Variants in VASH2 observed in about 807,000 individuals in gnomAD.
VASH2 encodes the protein vasohibin 2.
VASH2 carries 28 observed loss-of-function variants against 37.2 expected under a neutral mutation model. The observed-to-expected ratio is 0.75, with a 90% CI of 0.56 to 1.03. The LOEUF is 1.03. VASH2 is among the 50% of genes least tolerant of loss of function. The pLI, the probability that VASH2 is intolerant of heterozygous loss-of-function variation, is 0.00. For synonymous variants in VASH2, 188 were observed against 174.7 expected, an observed-to-expected ratio of 1.08 and a Z score of -0.60; for missense variants, 419 against 459.1, an observed-to-expected ratio of 0.91 and a Z score of 0.80.
chr1:212,985,431 T>G (rs960884842), intron 7 of VASH2, among the ~76,000 whole-genome samples: 36 of 149,708 alleles, frequency 2.4e-4, no homozygotes, highest in African/African-American at 8.8e-4. Flanking sequence ...TTTTTTTTTT[T>G]TTTTCTGAGA....
rs529389758 is a variant in VASH2 at position 212,958,357 on chromosome 1, C to T, written c.277-2809C>T. ...TGTATACGTTTGTCCTCCCGTTGGG[C>T]AGGAAGTGTGGCCACAGCTCCTGCA... On this transcript the variant is annotated intron_variant, in intron 2 of 7. Transcript: ENST00000517399. Among the ~76,000 whole-genome samples the T allele has an allele frequency of 8.5e-5, 13 of 152,342 alleles. 1 individual carries two copies. Among genetic ancestry groups the T allele is most frequent in the Admixed American group, 2.6e-4 (4 of 15,306 alleles).
chr1:212,970,785 G>T (rs1305150742), intron 5 of VASH2, among the ~76,000 whole-genome samples: 1 of 151,936 alleles, frequency 6.6e-6, no homozygotes, highest in African/African-American at 2.4e-5. Flanking sequence ...AGCTACTCAG[G>T]AGGCTGAGGC....
At position 212,972,773 on chromosome 1, in the gene VASH2, G is replaced by A; in HGVS notation, c.691G>A (p.Asp231Asn). Residue 231 changes from aspartate to asparagine, a missense_variant, in exon 6 of 8, where the codon GAC (aspartate) becomes AAC (asparagine). By Grantham distance (23) the Asp-to-Asn change is conservative (BLOSUM62 1). This residue lies in a region of VASH2 where 177 missense variants were observed against 166.2 expected (regional missense o/e 1.06). Coordinates refer to ENST00000517399, the MANE Select transcript of VASH2 (RefSeq NM_001301056.2). ...TFRTLSDLIF[D>N]FEDSYKKYLH... is the part of the protein sequence containing the mutation. ...TCGGACTCTGAGTGACCTCATCTTT[G>A]ACTTTGAGGACTCTTACAAGAAATA... 6.2e-7 allele frequency: 1 copy of A among 1,614,162 alleles called. No homozygotes were observed. Among genetic ancestry groups the A allele is most frequent in the South Asian group, 1.1e-5 (1 of 91,066 alleles).
At position 212,961,068 on chromosome 1, in the gene VASH2, C is replaced by T. The variant is rs563345346; in HGVS notation, c.277-98C>T. The T allele has an allele frequency of 5.1e-6, 6 of 1,185,560 alleles. No homozygotes were observed. The East Asian group carries it at 1.2e-4, about 23-fold the overall frequency. 73.4% of individuals were successfully genotyped at this position (1,185,560 alleles called of 1,614,324 possible). ...ATGCTGCCATCGGCTCTCAGGAGCACCTCTCTCTCTGGTGGCTTTAGCCCT... is the reference window on the plus strand; with the variant it reads ...ATGCTGCCATCGGCTCTCAGGAGCATCTCTCTCTCTGGTGGCTTTAGCCCT... On this transcript the variant is annotated intron_variant, in intron 2 of 7. Coordinates refer to ENST00000517399, the MANE Select transcript of VASH2 (RefSeq NM_001301056.2).
chr1:212,956,549 G>C (rs1666502715), intron 2 of VASH2, among the ~76,000 whole-genome samples: 1 of 152,182 alleles, frequency 6.6e-6, no homozygotes, highest in Non-Finnish European at 1.5e-5. Flanking sequence ...ATGAAATCTG[G>C]CAGGAAAATA....
At chr1:212,963,788 A>C (rs1202650562) in intron 3 of VASH2, among the ~76,000 whole-genome samples, 1 of 151,626 alleles carries the variant, frequency 6.6e-6, no homozygotes, top group African/African-American at 2.4e-5. Context: ...ATTTTACTCT[A>C]CGTTTGTCTC....
chr1:212,976,320 C>G (rs1346787110), intron 7 of VASH2, among the ~76,000 whole-genome samples: 2 of 152,188 alleles, frequency 1.3e-5, no homozygotes, highest in African/African-American at 4.8e-5. Flanking sequence ...GTGGTTCACA[C>G]CTGTAATCCC....
At chr1:212,984,484 C>T (rs548583053) in intron 7 of VASH2, among the ~76,000 whole-genome samples, 42 of 152,244 alleles carry the variant, frequency 2.8e-4, no homozygotes, top group Admixed American at 2.4e-3. Flanking sequence ...GAGAGACTGT[C>T]GGGCACAGGA....
chr1:212,974,037 G>GC lies in VASH2; in HGVS notation c.968dup (p.Arg324GlufsTer14). On this transcript the variant is annotated frameshift_variant, in exon 7 of 8. Coordinates refer to ENST00000517399, the MANE Select transcript of VASH2 (RefSeq NM_001301056.2). LOFTEE classifies it high-confidence loss of function. Reference sequence around the variant, plus strand: ...CTGTCCCCCAGAAGGAGACAGGCAAGCCCCCCGAGGAGGCTCGGCCGGCGA... The same window carrying GC: ...CTGTCCCCCAGAAGGAGACAGGCAAGCCCCCCCGAGGAGGCTCGGCCGGCGA... The GC allele has an allele frequency of 6.2e-7, 1 of 1,613,720 alleles. No homozygotes were observed.
intron 7 of VASH2, among the ~76,000 whole-genome samples, chr1:212,980,210 G>T: frequency 6.6e-6 from 1 of 152,200 alleles, no homozygotes; most frequent in South Asian, 2.1e-4. Flanking sequence ...GACAGTTCAT[G>T]ACTCTTGGCT....
At chr1:212,976,262 T>A (rs1476589573) in intron 7 of VASH2, among the ~76,000 whole-genome samples, 4 of 152,122 alleles carry the variant, frequency 2.6e-5, no homozygotes, top group Non-Finnish European at 4.4e-5. Flanking sequence ...GACAGCCAGA[T>A]AAGTCTGTGA....
At chr1:212,978,945 G>C (rs1282564778) in intron 7 of VASH2, among the ~76,000 whole-genome samples, 1 of 152,226 alleles carries the variant, frequency 6.6e-6, no homozygotes, top group Non-Finnish European at 1.5e-5. Flanking sequence ...TGTTTGAGGA[G>C]GGAAGATTCT....
chr1:212,980,721 G>A (rs1436835423), intron 7 of VASH2, among the ~76,000 whole-genome samples: 1 of 152,212 alleles, frequency 6.6e-6, no homozygotes. Flanking sequence ...CACATTGACT[G>A]GTGCCCAAGA....
rs566570087 is a variant in VASH2, at chr1:212,975,982, A to G, written c.995+1912A>G. Among the ~76,000 whole-genome samples the G allele has an allele frequency of 1.2e-4, 18 of 152,312 alleles. No homozygotes were observed. The South Asian group carries it at 1.9e-3, about 16-fold the overall frequency. ...ACAGGGACTTTGCATTCACAGGGCC[A>G]TGTTGAGTTTTTAACCAGGAAACGT... On this transcript the variant is annotated intron_variant, in intron 7 of 7. Transcript: ENST00000517399.
chr1:212,951,450 C>T lies in VASH2; in HGVS notation c.-93C>T. ...GGCCGCCCCCGCGGGGCGCTGATCC[C>T]CTCGCCGCGCCCGCGCGCACACGCC... On this transcript the variant is annotated 5_prime_UTR_variant, in exon 2 of 8. Coordinates refer to ENST00000517399, the MANE Select transcript of VASH2 (RefSeq NM_001301056.2). This position sits in a 1 kb window ranked among gnomAD's most constrained non-coding sequence, Gnocchi z 4.4. 8 of 734,114 alleles carry T rather than the reference C, an allele frequency of 1.1e-5. No individual in the cohort carries two copies. Among genetic ancestry groups the T allele is most frequent in the Non-Finnish European group, 1.2e-5 (7 of 593,262 alleles). The allele number at this position is 734,114 out of a possible 1,614,324, so 45.5% of individuals were successfully genotyped here.
rs759171226 is a variant in VASH2 at position 212,974,042 on chromosome 1, C to A, written c.967C>A (p.Pro323Thr). The A allele has an allele frequency of 4.5e-5, 73 of 1,613,422 alleles. No homozygotes were observed. The highest frequency in any genetic ancestry group is 5.9e-5 in the Non-Finnish European group (70 of 1,179,646). The stretch of plus-strand genomic sequence containing the variant: ...CCCCAGAAGGAGACAGGCAAGCCCC[C>A]CGAGGAGGCTCGGCCGGCGAGAGAA... ...LSPRRRQASPPRRLGRREKSP... is the reference protein window; with the variant it reads ...LSPRRRQASPTRRLGRREKSP... Residue 323 changes from proline to threonine, a missense_variant, in exon 7 of 8, where the codon CCG (proline) becomes ACG (threonine). Around this residue, in one of 3 missense-constraint regions of VASH2, gnomAD observed 177 missense variants for 166.2 expected, o/e 1.06. Coordinates refer to ENST00000517399, the MANE Select transcript of VASH2 (RefSeq NM_001301056.2).
At chr1:212,976,217 A>G (rs1667164643) in intron 7 of VASH2, among the ~76,000 whole-genome samples, 1 of 152,182 alleles carries the variant, frequency 6.6e-6, no homozygotes, top group Non-Finnish European at 1.5e-5. Context: ...TAAAAGTCCT[A>G]TTGGAGCCAT....
At chr1:212,975,197 A>G (rs1349634840) in intron 7 of VASH2, among the ~76,000 whole-genome samples, 1 of 152,236 alleles carries the variant, frequency 6.6e-6, no homozygotes, top group Non-Finnish European at 1.5e-5. Flanking sequence ...GTGGCAGGGC[A>G]GAGTCGGGGA....
intron 2 of VASH2, among the ~76,000 whole-genome samples, chr1:212,957,012 A>G (rs750307024): frequency 3.9e-5 from 6 of 152,126 alleles, no homozygotes; most frequent in Non-Finnish European, 7.4e-5. Flanking sequence ...TATCCATTCC[A>G]CACTAACTTT....
Sources: gnomAD v4.1 joint callset for allele counts (sites outside exome capture counted in the v4.1 genomes callset) on GRCh38, gnomAD v4.1.1 for gene constraint, gnomAD v4.1.1 regional missense constraint, Gnocchi (gnomAD v3.1) non-coding constraint, MANE v1.5 for transcripts, NCBI Gene and HGNC (gene_info 2026-07-23, HGNC 2026-07-21) for gene names.